Variants in GMDS observed in about 807,000 individuals in gnomAD.
The protein encoded by GMDS is GDP-mannose 4,6-dehydratase, also known as GDP-mannose 4,6 dehydratase.
In GMDS, 20 loss-of-function variants were observed where a neutral mutation model predicts 49.9. That is an observed-to-expected ratio of 0.40 (90% CI 0.28 to 0.58). The LOEUF is 0.58. GMDS is among the 20% of genes least tolerant of loss of function. GMDS has a pLI of 0.42. For missense variants in GMDS, 362 were observed against 481.4 expected, an observed-to-expected ratio of 0.75 and a Z score of 2.32; for synonymous variants, 177 against 178.6, an observed-to-expected ratio of 0.99 and a Z score of 0.07.
rs1387276534 is a variant in GMDS, at chr6:1,936,861, G to A, written c.644-6631C>T. On this transcript the variant is annotated intron_variant, in intron 6 of 10. Transcript: ENST00000380815. ...GCGAGCATATAATCCTAGCTACTCAGGAGGCTGAGGCACGAAAATCATTTG... is the reference window on the plus strand; with the variant it reads ...GCGAGCATATAATCCTAGCTACTCAAGAGGCTGAGGCACGAAAATCATTTG... Among the ~76,000 whole-genome samples, 5 of 151,746 alleles carry A rather than the reference G, an allele frequency of 3.3e-5. No individual in the cohort carries two copies. In the East Asian group the frequency reaches 9.7e-4, roughly 29 times the overall value.
chr6:1,993,523 A>C (rs1766083822), intron 4 of GMDS, among the ~76,000 whole-genome samples: 1 of 152,228 alleles, frequency 6.6e-6, no homozygotes, highest in Admixed American at 6.5e-5. Flanking sequence ...TAAAAGAAAA[A>C]AGAAAATCTT....
At chr6:1,995,513 C>T (rs908515007) in intron 4 of GMDS, among the ~76,000 whole-genome samples, 6 of 152,138 alleles carry the variant, frequency 3.9e-5, no homozygotes, top group African/African-American at 1.4e-4. Context: ...ACATCAACAA[C>T]AACAAAATCA....
chr6:1,694,034 T>C (rs1382598430), intron 9 of GMDS, among the ~76,000 whole-genome samples: 1 of 152,250 alleles, frequency 6.6e-6, no homozygotes. Context: ...AGACTGTTTT[T>C]ATTCACTGCA....
At chr6:2,031,735 G>T (rs373214648) in intron 4 of GMDS, among the ~76,000 whole-genome samples, 1 of 152,200 alleles carries the variant, frequency 6.6e-6, no homozygotes. Flanking sequence ...CTGCCCCAGA[G>T]GCCAGGCAGC....
chr6:1,924,036 T>C (rs1173993580), intron 7 of GMDS, among the ~76,000 whole-genome samples: 1 of 152,134 alleles, frequency 6.6e-6, no homozygotes, highest in Admixed American at 6.5e-5. Context: ...TGACTACATA[T>C]TTTCCCCAAA....
intron 9 of GMDS, among the ~76,000 whole-genome samples, chr6:1,705,878 A>G (rs9378651): frequency 0.79 from 119,700 of 152,160 alleles, 50,257 homozygotes; most frequent in Middle Eastern, 0.94. Flanking sequence ...GGCACCCAGC[A>G]ATCTGGGGCT....
At chr6:1,923,686 C>T (rs185664078) in intron 7 of GMDS, among the ~76,000 whole-genome samples, 16 of 152,206 alleles carry the variant, frequency 1.1e-4, no homozygotes, top group Admixed American at 2.6e-4. Context: ...GCCAAGTAAA[C>T]GGAGCACCCT....
At chr6:2,065,647 G>T (rs568624510) in intron 4 of GMDS, among the ~76,000 whole-genome samples, 4 of 151,820 alleles carry the variant, frequency 2.6e-5, no homozygotes, top group African/African-American at 9.7e-5. Flanking sequence ...GAGCTGATGC[G>T]ATCAACTGGA....
chr6:1,752,265 C>A (rs1462927577), intron 7 of GMDS, among the ~76,000 whole-genome samples: 1 of 152,030 alleles, frequency 6.6e-6, no homozygotes, highest in African/African-American at 2.4e-5. Flanking sequence ...CCAAATCAAT[C>A]AAGTGGAAGA....
At chr6:1,890,889 G>A (rs1046693331) in intron 7 of GMDS, among the ~76,000 whole-genome samples, 6 of 152,204 alleles carry the variant, frequency 3.9e-5, no homozygotes, top group African/African-American at 1.2e-4. Flanking sequence ...GTGTCAATGT[G>A]AACAGTTGAT....
At chr6:1,753,064 G>A (rs1362198713) in intron 7 of GMDS, among the ~76,000 whole-genome samples, 2 of 152,144 alleles carry the variant, frequency 1.3e-5, no homozygotes, top group Non-Finnish European at 2.9e-5. Context: ...TGGGCTTAAT[G>A]CCCCAATTAA....
At chr6:2,193,859 A>G (rs163073) in intron 1 of GMDS, among the ~76,000 whole-genome samples, 105,464 of 150,944 alleles carry the variant, frequency 0.7, 37,225 homozygotes, top group East Asian at 0.84. Context: ...AAGTAGGTGG[A>G]ACTACAGGCA....
intron 1 of GMDS, among the ~76,000 whole-genome samples, chr6:2,198,825 G>A (rs1403544309): frequency 1.3e-5 from 2 of 152,170 alleles, no homozygotes; most frequent in African/African-American, 2.4e-5. Context: ...TAAACCAGAA[G>A]AATTATACTA....
chr6:2,021,974 T>C (rs1044559262), intron 4 of GMDS, among the ~76,000 whole-genome samples: 1 of 152,152 alleles, frequency 6.6e-6, no homozygotes, highest in African/African-American at 2.4e-5. Flanking sequence ...CAACATCAAA[T>C]GGCCTTTGTG....
At chr6:1,901,746 A>G (rs1353754971) in intron 7 of GMDS, among the ~76,000 whole-genome samples, 2 of 152,182 alleles carry the variant, frequency 1.3e-5, no homozygotes, top group Non-Finnish European at 2.9e-5. Context: ...GCCTTTGCTC[A>G]TTCAGTGTAT....
At chr6:2,181,537 A>G (rs1778531158) in intron 1 of GMDS, among the ~76,000 whole-genome samples, 1 of 152,028 alleles carries the variant, frequency 6.6e-6, no homozygotes, top group African/African-American at 2.4e-5. Context: ...TGTGTCATAC[A>G]TTTTTCCAAT....
chr6:2,046,712 T>C (rs906520306), intron 4 of GMDS, among the ~76,000 whole-genome samples: 1 of 145,148 alleles, frequency 6.9e-6, no homozygotes, highest in Non-Finnish European at 1.5e-5. Flanking sequence ...TCCACCTGCC[T>C]GGCCTCCCAG....
intron 9 of GMDS, among the ~76,000 whole-genome samples, chr6:1,652,719 T>G (rs9328062): frequency 0.9 from 9,945 of 11,078 alleles, 4,568 homozygotes; most frequent in Middle Eastern, 1. Flanking sequence ...TATATATATA[T>G]AGAGAGAGAG....
Position 2,030,075 on chromosome 6 carries a change from C to T in GMDS, c.346-69109G>A, listed in dbSNP as rs186048398. ...GGGGCAGGTTGGAGGAGGAGGGAAG[C>T]GGGTGCCCACACAGAGATCAACACA... is the stretch of plus-strand genomic sequence containing the variant. On this transcript the variant is annotated intron_variant, in intron 4 of 10. Coordinates refer to ENST00000380815, the MANE Select transcript of GMDS (RefSeq NM_001500.4). 2.9e-3 allele frequency among the ~76,000 whole-genome samples: 427 copies of T among 147,366 alleles called. 4 individuals carry two copies. The highest frequency in any genetic ancestry group is 0.01 in the African/African-American group (414 of 39,874).
Sources: gnomAD v4.1 joint callset for allele counts (sites outside exome capture counted in the v4.1 genomes callset) on GRCh38, gnomAD v4.1.1 for gene constraint, MANE v1.5 for transcripts, NCBI Gene and HGNC (gene_info 2026-07-23, HGNC 2026-07-21) for gene names.